Variants in APBB2 observed in about 807,000 individuals in gnomAD.
The protein encoded by APBB2 is amyloid beta precursor protein binding family B member 2.
APBB2 carries 38 observed loss-of-function variants against 82.5 expected under a neutral mutation model. The ratio of observed to expected loss-of-function variants is 0.46; its 90% CI spans 0.36 to 0.60. The LOEUF is 0.60. Ranked by LOEUF, APBB2 falls within the 20% of genes least tolerant of loss-of-function variation. APBB2 has a pLI of 0.00. For synonymous variants in APBB2, 341 were observed against 368.2 expected, an observed-to-expected ratio of 0.93 and a Z score of 0.85; for missense variants, 772 against 972.3, an observed-to-expected ratio of 0.79 and a Z score of 2.74.
intron 10 of APBB2, among the ~76,000 whole-genome samples, chr4:40,919,383 A>ATCATCAGGTGCATTTCTCACG (rs1256342052): frequency 5.6e-4 from 85 of 152,332 alleles, no homozygotes; most frequent in African/African-American, 2.0e-3. Context: ...ACTTTCTCAC[A>ATCATCAGGTGCATTTCTCACG]TCATCAGGTG....
chr4:41,002,473 C>T (rs1320489343), intron 6 of APBB2, among the ~76,000 whole-genome samples: 2 of 152,210 alleles, frequency 1.3e-5, no homozygotes, highest in East Asian at 1.9e-4. Flanking sequence ...GCAGCTGTAA[C>T]AGGCAAGATC....
intron 6 of APBB2, among the ~76,000 whole-genome samples, chr4:40,955,486 T>A (rs1183577366): frequency 6.6e-6 from 1 of 152,262 alleles, no homozygotes; most frequent in African/African-American, 2.4e-5. Flanking sequence ...CTGCACAATG[T>A]TCCCATTCTT....
intron 12 of APBB2, among the ~76,000 whole-genome samples, chr4:40,854,858 A>T (rs985532341): frequency 6.6e-6 from 1 of 152,104 alleles, no homozygotes; most frequent in African/African-American, 2.4e-5. Context: ...CCAAGAGGAA[A>T]GCTGTATAGG....
At chr4:41,140,297 C>T (rs920978722) in intron 2 of APBB2, among the ~76,000 whole-genome samples, 3 of 152,192 alleles carry the variant, frequency 2.0e-5, no homozygotes, top group African/African-American at 7.2e-5. Context: ...AAATTATCTT[C>T]ATTATCTGCA....
chr4:40,884,518 T>A (rs551074095), intron 12 of APBB2, among the ~76,000 whole-genome samples: 1 of 152,256 alleles, frequency 6.6e-6, no homozygotes, highest in Non-Finnish European at 1.5e-5. Flanking sequence ...GGCTCGCACC[T>A]GCTATCCCAG....
intron 6 of APBB2, among the ~76,000 whole-genome samples, chr4:41,000,437 T>C (rs1475687739): frequency 2.0e-5 from 3 of 152,136 alleles, no homozygotes; most frequent in African/African-American, 7.2e-5. Context: ...GTGACAATCT[T>C]ATAAAGCAGA....
At chr4:41,011,204 G>A (rs563559026) in intron 6 of APBB2, among the ~76,000 whole-genome samples, 1 of 149,844 alleles carries the variant, frequency 6.7e-6, no homozygotes, top group African/African-American at 2.5e-5. Context: ...CTTTTGAGAT[G>A]GAGTCTCGCT....
At chr4:41,012,026 T>C (rs1274983182) in intron 6 of APBB2, among the ~76,000 whole-genome samples, 4 of 152,002 alleles carry the variant, frequency 2.6e-5, no homozygotes, top group Non-Finnish European at 4.4e-5. Context: ...CCGTCCACCA[T>C]GCCCAACTAA....
At chr4:41,120,454 G>A (rs1044727467) in intron 2 of APBB2, among the ~76,000 whole-genome samples, 1 of 152,102 alleles carries the variant, frequency 6.6e-6, no homozygotes, top group Non-Finnish European at 1.5e-5. Flanking sequence ...AAAAGCCAAG[G>A]AACAAAAACA....
At chr4:40,837,477 C>T (rs1198697727) in intron 12 of APBB2, among the ~76,000 whole-genome samples, 1 of 152,264 alleles carries the variant, frequency 6.6e-6, no homozygotes. Flanking sequence ...TAAAACCACA[C>T]AGCTGGCCCA....
chr4:41,214,273 G>C (rs1287869161), intron 1 of APBB2, 132 bp downstream of exon 1: 1 of 152,304 alleles, frequency 6.6e-6, no homozygotes, highest in Non-Finnish European at 1.5e-5. Flanking sequence ...CCGGGGCCGG[G>C]AGCAGAGGAG....
At position 40,928,387 on chromosome 4, in the gene APBB2, A is replaced by AACAC. The variant is rs34694637; in HGVS notation, c.1254+6065_1254+6068dup. ...ATGAAACAACATCTCTACTAAAGAA[A>AACAC]ACACACACACACACACACACACACA... On this transcript the variant is annotated intron_variant, in intron 10 of 17. Coordinates refer to ENST00000508593, the MANE Select transcript of APBB2 (RefSeq NM_004307.2). Among the ~76,000 whole-genome samples the AACAC allele has an allele frequency of 7.6e-3, 861 of 112,848 alleles. 7 individuals carry two copies. The highest frequency in any genetic ancestry group is 0.014 in the Middle Eastern group (3 of 212). 74.0% of individuals were successfully genotyped at this position (112,848 alleles called of 152,430 possible).
intron 4 of APBB2, among the ~76,000 whole-genome samples, chr4:41,065,195 AG>A (rs1347194297): frequency 2.6e-5 from 4 of 152,132 alleles, no homozygotes; most frequent in African/African-American, 9.7e-5. Flanking sequence ...CTAAGGTGGA[AG>A]GATCACTTGA....
chr4:41,010,624 T>C (rs1560516270), intron 6 of APBB2, among the ~76,000 whole-genome samples: 1 of 152,134 alleles, frequency 6.6e-6, no homozygotes, highest in Non-Finnish European at 1.5e-5. Context: ...CAGCACTCAA[T>C]AAGCCAAGGG....
chr4:40,951,771 T>C (rs1170318368), intron 6 of APBB2, among the ~76,000 whole-genome samples: 4 of 152,158 alleles, frequency 2.6e-5, no homozygotes, highest in Non-Finnish European at 5.9e-5. Context: ...TCACCATCAC[T>C]AGAAATTGGA....
rs550076384 is a variant in APBB2 at position 40,971,665 on chromosome 4, C to T, written c.836-26592G>A. On this transcript the variant is annotated intron_variant, in intron 6 of 17. Transcript: ENST00000508593. The stretch of plus-strand genomic sequence containing the variant: ...CTATTTAGCAATAGAACTTAAGAGG[C>T]CTGAAGGAGTTAATATCTCTAATTT... 2.0e-5 allele frequency among the ~76,000 whole-genome samples: 3 copies of T among 152,212 alleles called. No homozygotes were observed. In the South Asian group the frequency reaches 6.2e-4, roughly 32 times the overall value.
At chr4:41,139,492 C>T (rs1465658888) in intron 2 of APBB2, among the ~76,000 whole-genome samples, 3 of 152,044 alleles carry the variant, frequency 2.0e-5, no homozygotes, top group Admixed American at 2.0e-4. Flanking sequence ...CAGTATTGTT[C>T]GTAACTGCCA....
In APBB2 at chr4:40,969,010, T is replaced by C. The variant is rs978284213; in HGVS notation, c.836-23937A>G. 2.0e-5 allele frequency among the ~76,000 whole-genome samples: 3 copies of C among 152,338 alleles called. No individual in the cohort carries two copies. In the South Asian group the frequency reaches 6.2e-4, roughly 32 times the overall value. On this transcript the variant is annotated intron_variant, in intron 6 of 17. Coordinates refer to ENST00000508593, the MANE Select transcript of APBB2 (RefSeq NM_004307.2). ...CCTTTCGCTTGGCTCTCATTCTCTC[T>C]TGCCTGCTGTCATGTAAGACGTGTC...
At chr4:41,089,378 T>C (rs1286196621) in intron 3 of APBB2, among the ~76,000 whole-genome samples, 2 of 152,230 alleles carry the variant, frequency 1.3e-5, no homozygotes, top group East Asian at 3.8e-4. Context: ...TTGAGCATCA[T>C]GTTAGCACTC....
Sources: allele counts gnomAD v4.1 joint callset (sites outside exome capture counted in the v4.1 genomes callset), GRCh38; gene constraint gnomAD v4.1.1; transcripts MANE v1.5; gene names NCBI Gene and HGNC (gene_info 2026-07-23, HGNC 2026-07-21).